Variants in SEMA5B observed in about 807,000 individuals in gnomAD.
The protein encoded by SEMA5B is semaphorin-5B.
In SEMA5B, 66 loss-of-function variants were observed where a neutral mutation model predicts 135.0. The observed-to-expected ratio is 0.49, with a 90% CI of 0.40 to 0.60. The LOEUF is 0.60. SEMA5B is among the 20% of genes least tolerant of loss of function. SEMA5B has a pLI of 0.00. For missense variants in SEMA5B, 1,501 were observed against 1,566.3 expected, an observed-to-expected ratio of 0.96 and a Z score of 0.70; for synonymous variants, 690 against 639.5, an observed-to-expected ratio of 1.08 and a Z score of -1.19.
chr3:122,912,853 C>T lies in SEMA5B; in HGVS notation c.2715G>A (p.Gln905=). ...DAAEYQDCNP[Q]ACPVRGAWSC... ...TCCGTGCAGGGTTACCTGGGCAAGC[C>T]TGGGGGTTGCAGTCCTGGTACTCGG... Residue 905 remains glutamine, a synonymous_variant, in exon 18 of 23, where the codon CAG becomes CAA. Coordinates refer to ENST00000357599, the MANE Select transcript of SEMA5B (RefSeq NM_001031702.4). 1 of 1,585,142 alleles carries T rather than the reference C, an allele frequency of 6.3e-7. No homozygotes were observed. Among genetic ancestry groups the T allele is most frequent in the Non-Finnish European group, 8.6e-7 (1 of 1,164,078 alleles).
At chr3:122,994,078 C>A (rs1941959680) in intron 1 of SEMA5B, among the ~76,000 whole-genome samples, 1 of 152,030 alleles carries the variant, frequency 6.6e-6, no homozygotes, top group East Asian at 1.9e-4. Flanking sequence ...GACAGCAAGC[C>A]CTTCTGGAGT....
At chr3:122,935,688 T>TTTTTTTTTTTTTTTTTTTTTTG in intron 5 of SEMA5B, among the ~76,000 whole-genome samples, 1 of 23,832 alleles carries the variant, frequency 4.2e-5, no homozygotes, top group Non-Finnish European at 1.4e-4. Flanking sequence ...CTTTCTTTCT[T>TTTTTTTTTTTTTTTTTTTTTTG]TTTTTTTTTT....
At chr3:122,976,275 C>T (rs1211577362) in intron 1 of SEMA5B, 2 of 998,974 alleles carry the variant, frequency 2.0e-6, no homozygotes, top group South Asian at 1.7e-5. Context: ...CCCAGACCTA[C>T]TAGATCAGAA....
rs2107618077 is a variant in SEMA5B at position 122,915,433 on chromosome 3, C to T, written c.1988+7G>A. On this transcript the variant is annotated splice_region_variant and intron_variant, in intron 14 of 22. Coordinates refer to ENST00000357599, the MANE Select transcript of SEMA5B (RefSeq NM_001031702.4). ...GCAGACACCATGTAAACCCTGTCCT[C>T]ACATACCTGGAGCAGTTGGCGATGT... 1 of 1,604,178 alleles carries T rather than the reference C, an allele frequency of 6.2e-7. No individual in the cohort carries two copies. The highest frequency in any genetic ancestry group is 8.5e-7 in the Non-Finnish European group (1 of 1,174,182).
intron 9 of SEMA5B, among the ~76,000 whole-genome samples, chr3:122,924,497 C>A (rs1266301234): frequency 6.6e-6 from 1 of 152,200 alleles, no homozygotes; most frequent in African/African-American, 2.4e-5. Flanking sequence ...CACATGGCAG[C>A]CAGAGTGGTG....
At chr3:122,923,567 T>TC (rs1290216307) in intron 10 of SEMA5B, 50 bp downstream of exon 10, 1 of 1,606,956 alleles carries the variant, frequency 6.2e-7, no homozygotes. Context: ...GCTGGTAATC[T>TC]GGGGGTAAGG....
At chr3:122,925,333 C>T (rs1174879228) in intron 9 of SEMA5B, among the ~76,000 whole-genome samples, 1 of 151,652 alleles carries the variant, frequency 6.6e-6, no homozygotes, top group Non-Finnish European at 1.5e-5. Context: ...TTGGGCCACA[C>T]ATAAAATACA....
intron 2 of SEMA5B, among the ~76,000 whole-genome samples, chr3:122,952,780 G>T (rs1441021624): frequency 6.6e-6 from 1 of 152,184 alleles, no homozygotes; most frequent in African/African-American, 2.4e-5. Flanking sequence ...CATCCAAGGA[G>T]GCCCTGCTTG....
In SEMA5B at chr3:123,018,252, G is replaced by A. The variant is rs187728440; in HGVS notation, c.-39+9212C>T. On this transcript the variant is annotated intron_variant, in intron 1 of 22. Transcript: ENST00000357599. ...CTGTTTACCCATCTGTTTACCCATCGGGTTGGGAAGATGCTCATTCTAGAA... is the reference window on the plus strand; with the variant it reads ...CTGTTTACCCATCTGTTTACCCATCAGGTTGGGAAGATGCTCATTCTAGAA... 5.6e-4 allele frequency among the ~76,000 whole-genome samples: 86 copies of A among 152,348 alleles called. 1 individual carries two copies. Among genetic ancestry groups the A allele is most frequent in the African/African-American group, 2.0e-3 (84 of 41,586 alleles).
intron 1 of SEMA5B, among the ~76,000 whole-genome samples, chr3:122,988,089 C>T (rs1471274673): frequency 1.3e-5 from 2 of 152,062 alleles, no homozygotes; most frequent in Non-Finnish European, 2.9e-5. Flanking sequence ...TGGCTGCTGG[C>T]CCCCAGCCAC....
At position 122,922,427 on chromosome 3, in the gene SEMA5B, G is replaced by A. The variant is rs751173518; in HGVS notation, c.1293C>T (p.Thr431=). The change falls in exon 11 of 23, where the codon ACC becomes ACT. Residue 431 remains threonine, a synonymous_variant. Coordinates refer to ENST00000357599, the MANE Select transcript of SEMA5B (RefSeq NM_001031702.4). ...GCTCCGTCAGGTTCTCGTTGGGACC[G>A]GTCTCAGGCAGGGTGCCACACTGCC... ...PNFQCGTLPE[T]GPNENLTERS... 3 of 1,606,106 alleles carry A rather than the reference G, an allele frequency of 1.9e-6. No individual in the cohort carries two copies. In the East Asian group the frequency reaches 6.8e-5, roughly 36 times the overall value.
chr3:123,028,409 A>C (rs1167873371), upstream of SEMA5B: 1 of 152,308 alleles, frequency 6.6e-6, no homozygotes, highest in Non-Finnish European at 1.5e-5. Context: ...TCCAAGCCTC[A>C]GTTTCCTCAG....
chr3:122,925,738 C>T (rs1446857454), intron 9 of SEMA5B, among the ~76,000 whole-genome samples: 1 of 151,864 alleles, frequency 6.6e-6, no homozygotes, highest in Non-Finnish European at 1.5e-5. Context: ...AAAGTTTACA[C>T]ATTTGTGTTG....
intron 8 of SEMA5B, among the ~76,000 whole-genome samples, chr3:122,927,102 C>T (rs942975837): frequency 1.3e-5 from 2 of 152,214 alleles, no homozygotes; most frequent in African/African-American, 4.8e-5. Flanking sequence ...ACTGCAATTA[C>T]TTTTGCGCCA....
chr3:123,001,606 A>G (rs1942176263), intron 1 of SEMA5B, among the ~76,000 whole-genome samples: 1 of 152,230 alleles, frequency 6.6e-6, no homozygotes, highest in Non-Finnish European at 1.5e-5. Context: ...GAATGCATTT[A>G]TAATGTACTG....
chr3:122,958,558 G>A (rs533300379), intron 2 of SEMA5B, among the ~76,000 whole-genome samples: 6 of 152,294 alleles, frequency 3.9e-5, no homozygotes, highest in Admixed American at 3.9e-4. Context: ...GTGGGGCCAA[G>A]CTTAGCCCAA....
At chr3:122,915,925 G>A (rs927592213) in intron 12 of SEMA5B, 35 bp from the exon 13 acceptor site, 1 of 1,556,500 alleles carries the variant, frequency 6.4e-7, no homozygotes, top group South Asian at 1.1e-5. Context: ...CAAGCCCACT[G>A]GCTTCCCAGC....
chr3:122,961,181 C>T lies in SEMA5B; in HGVS notation c.83G>A (p.Cys28Tyr), dbSNP rs141746277. ...AAGCCAGCCCCCTACTGTCCATCCA[C>T]ACCTTAGCTGTTGGGCTGGGGTATC... ...PPDTPAQQLRCGWTVGGWLLS... is the reference protein window; with the variant it reads ...PPDTPAQQLRYGWTVGGWLLS... Residue 28 changes from cysteine (C) to tyrosine (Y), a missense_variant, in exon 2 of 23, where the codon TGT (cysteine) becomes TAT (tyrosine). By Grantham distance (194) the Cys-to-Tyr change is radical (BLOSUM62 -2). Around this residue, in one of 2 missense-constraint regions of SEMA5B, gnomAD observed 574 missense variants for 684.7 expected, o/e 0.84. Coordinates refer to ENST00000357599, the MANE Select transcript of SEMA5B (RefSeq NM_001031702.4). 10 of 1,613,704 alleles carry T rather than the reference C, an allele frequency of 6.2e-6. No homozygotes were observed. The East Asian group carries it at 6.7e-5, about 11-fold the overall frequency.
At chr3:122,978,217 G>T (rs1941399190) in intron 1 of SEMA5B, among the ~76,000 whole-genome samples, 1 of 152,260 alleles carries the variant, frequency 6.6e-6, no homozygotes, top group Non-Finnish European at 1.5e-5. Context: ...GCCCCAGGGT[G>T]CCCTTCTCTG....
Sources: gnomAD v4.1 joint callset for allele counts (sites outside exome capture counted in the v4.1 genomes callset) on GRCh38, gnomAD v4.1.1 for gene constraint, gnomAD v4.1.1 regional missense constraint, MANE v1.5 for transcripts, NCBI Gene and HGNC (gene_info 2026-07-23, HGNC 2026-07-21) for gene names.